Variants in LHFPL3 observed in about 807,000 individuals in gnomAD.
LHFPL3 encodes the protein LHFPL tetraspan subfamily member 3 protein.
LHFPL3 carries 5 observed loss-of-function variants against 19.3 expected under a neutral mutation model. That is an observed-to-expected ratio of 0.26 (90% CI 0.14 to 0.54). The LOEUF is 0.54. LHFPL3 is among the 20% of genes least tolerant of loss of function. The probability of loss-of-function intolerance (pLI) is 0.94; values close to 1 mark genes in which losing one functional copy is unlikely to be tolerated. For missense variants in LHFPL3, 249 were observed against 307.4 expected (o/e 0.81, Z 1.42); for synonymous variants, 133 against 126.2 (o/e 1.05, Z -0.36).
chr7:104,784,811 A>G (rs980568821), intron 2 of LHFPL3, among the ~76,000 whole-genome samples: 1 of 152,250 alleles, frequency 6.6e-6, no homozygotes, highest in African/African-American at 2.4e-5. Context: ...GAAATAAGCC[A>G]GTCACAAAAA....
Position 104,413,853 on chromosome 7 carries a change from G to A in LHFPL3, c.445+84629G>A, listed in dbSNP as rs140196419. Among the ~76,000 whole-genome samples, 1,207 of 152,226 alleles carry A rather than the reference G, an allele frequency of 7.9e-3. 9 individuals carry two copies. Among genetic ancestry groups the A allele is most frequent in the Middle Eastern group, 0.034 (10 of 294 alleles). On this transcript the variant is annotated intron_variant, in intron 1 of 2. Coordinates refer to ENST00000424859, the MANE Select transcript of LHFPL3 (RefSeq NM_199000.3). ...CCATAAGGCGAAGCTTCTTATAGCT[G>A]GAATCACCTGGTATTATTTTTGTTT...
chr7:104,699,130 G>T (rs528211444), intron 1 of LHFPL3, among the ~76,000 whole-genome samples: 1 of 152,172 alleles, frequency 6.6e-6, no homozygotes, highest in Non-Finnish European at 1.5e-5. Context: ...AAAATGATAC[G>T]GTGATTCCTC....
chr7:104,711,758 G>A (rs543212927), intron 1 of LHFPL3, among the ~76,000 whole-genome samples: 1 of 152,294 alleles, frequency 6.6e-6, no homozygotes, highest in South Asian at 2.1e-4. Flanking sequence ...CATGTCACAA[G>A]CTGAGAAAAC....
chr7:104,555,351 G>A (rs1024913600), intron 1 of LHFPL3, among the ~76,000 whole-genome samples: 3 of 152,146 alleles, frequency 2.0e-5, no homozygotes, highest in Non-Finnish European at 4.4e-5. Flanking sequence ...CTAAGACTGG[G>A]AAGAAAAAGA....
chr7:104,858,584 A>C (rs907320903), intron 2 of LHFPL3, among the ~76,000 whole-genome samples: 2 of 152,064 alleles, frequency 1.3e-5, no homozygotes, highest in Non-Finnish European at 2.9e-5. Context: ...AGCCTTCAGC[A>C]CACCTCCACC....
At chr7:104,344,219 C>G (rs1391604555) in intron 1 of LHFPL3, among the ~76,000 whole-genome samples, 2 of 152,062 alleles carry the variant, frequency 1.3e-5, no homozygotes, top group African/African-American at 4.8e-5. Flanking sequence ...CCAACTTTGC[C>G]ATACATCATG....
At chr7:104,902,591 A>C (rs1278883288) in intron 2 of LHFPL3, among the ~76,000 whole-genome samples, 1 of 152,038 alleles carries the variant, frequency 6.6e-6, no homozygotes, top group African/African-American at 2.4e-5. Context: ...GTTCGAGACC[A>C]GCCTGGCCAA....
intron 1 of LHFPL3, among the ~76,000 whole-genome samples, chr7:104,645,606 C>T (rs1490479895): frequency 6.8e-6 from 1 of 147,074 alleles, no homozygotes; most frequent in African/African-American, 2.5e-5. Context: ...TCTAAATCTT[C>T]ATGGAAAGTG....
At chr7:104,460,282 G>A (rs1176897973) in intron 1 of LHFPL3, among the ~76,000 whole-genome samples, 2 of 152,042 alleles carry the variant, frequency 1.3e-5, no homozygotes, top group Non-Finnish European at 2.9e-5. Flanking sequence ...CCATGTCTTT[G>A]CTATTGTGAA....
chr7:104,439,565 A>G (rs1318834788), intron 1 of LHFPL3, among the ~76,000 whole-genome samples: 4 of 152,146 alleles, frequency 2.6e-5, no homozygotes, highest in Non-Finnish European at 2.9e-5. Flanking sequence ...ATTACATGCC[A>G]TAAGATTATC....
intron 1 of LHFPL3, among the ~76,000 whole-genome samples, chr7:104,558,460 G>A (rs895442491): frequency 1.5e-4 from 23 of 152,104 alleles, no homozygotes; most frequent in African/African-American, 5.6e-4. Context: ...TGTGTTTTTT[G>A]GCTGCACAAA....
At chr7:104,710,192 C>T (rs1270882964) in intron 1 of LHFPL3, among the ~76,000 whole-genome samples, 1 of 152,222 alleles carries the variant, frequency 6.6e-6, no homozygotes, top group Non-Finnish European at 1.5e-5. Flanking sequence ...GACAACTCAG[C>T]ATGCCAATAC....
intron 1 of LHFPL3, among the ~76,000 whole-genome samples, chr7:104,520,558 C>T (rs1794036613): frequency 1.4e-5 from 2 of 137,980 alleles, no homozygotes; most frequent in Admixed American, 7.4e-5. Context: ...TAGAATTCGG[C>T]TGTGAATCCA....
intron 1 of LHFPL3, among the ~76,000 whole-genome samples, chr7:104,390,840 C>T (rs1367040921): frequency 6.6e-6 from 1 of 152,196 alleles, no homozygotes; most frequent in Non-Finnish European, 1.5e-5. Context: ...TCCTCTCCAG[C>T]ACTTGTTGTT....
intron 1 of LHFPL3, among the ~76,000 whole-genome samples, chr7:104,358,238 G>T (rs148690277): frequency 6.6e-6 from 1 of 152,148 alleles, no homozygotes; most frequent in Admixed American, 6.6e-5. Flanking sequence ...TAGTATGGCC[G>T]TACAATATTG....
chr7:104,634,512 T>C (rs1791698852), intron 1 of LHFPL3, among the ~76,000 whole-genome samples: 1 of 152,142 alleles, frequency 6.6e-6, no homozygotes, highest in Non-Finnish European at 1.5e-5. Context: ...ACATATACAT[T>C]TTGGGCTCAA....
At chr7:104,862,049 G>A (rs1017691876) in intron 2 of LHFPL3, among the ~76,000 whole-genome samples, 3 of 152,120 alleles carry the variant, frequency 2.0e-5, no homozygotes, top group East Asian at 1.9e-4. Context: ...CGATGCTGCC[G>A]AGTATCTCTT....
chr7:104,379,323 C>G (rs1000619754), intron 1 of LHFPL3, among the ~76,000 whole-genome samples: 2 of 152,186 alleles, frequency 1.3e-5, no homozygotes, highest in Admixed American at 6.5e-5. Context: ...TTGGGCCTCC[C>G]TCGGCACAGA....
intron 1 of LHFPL3, among the ~76,000 whole-genome samples, chr7:104,404,324 C>A (rs60917058): frequency 0.034 from 5,143 of 152,180 alleles, 306 homozygotes; most frequent in African/African-American, 0.12. Context: ...ACATATTTTT[C>A]ATTTTTAAAA....
Sources: allele counts gnomAD v4.1 joint callset (sites outside exome capture counted in the v4.1 genomes callset), GRCh38; gene constraint gnomAD v4.1.1; transcripts MANE v1.5; gene names NCBI Gene and HGNC (gene_info 2026-07-23, HGNC 2026-07-21).